Variants in PKN2 observed in about 807,000 individuals in gnomAD.
PKN2 encodes the protein serine/threonine-protein kinase N2.
A neutral mutation model predicts 119.1 loss-of-function variants in PKN2; 38 were observed. The ratio of observed to expected loss-of-function variants is 0.32; its 90% CI spans 0.25 to 0.42. The LOEUF (loss-of-function observed/expected upper bound fraction) is 0.42. Among genes scored for constraint, PKN2 ranks in the 10% least tolerant of loss-of-function variants. The pLI is 1.00. For synonymous variants in PKN2, 390 were observed against 384.9 expected (o/e 1.01, Z -0.15); for missense variants, 850 against 1,165.1 (o/e 0.73, Z 3.94).
At chr1:88,820,939 A>G (rs1372503525) in intron 16 of PKN2, among the ~76,000 whole-genome samples, 1 of 152,216 alleles carries the variant, frequency 6.6e-6, no homozygotes, top group Non-Finnish European at 1.5e-5. Flanking sequence ...ATTTAGGATA[A>G]AAATTGAAAA....
intron 8 of PKN2, among the ~76,000 whole-genome samples, chr1:88,790,033 G>A (rs6679897): frequency 0.067 from 10,162 of 152,212 alleles, 695 homozygotes; most frequent in African/African-American, 0.18. Flanking sequence ...GAAGGACTCT[G>A]AAACAACTCT....
chr1:88,778,916 G>T (rs1044914583), intron 6 of PKN2, among the ~76,000 whole-genome samples: 1 of 151,968 alleles, frequency 6.6e-6, no homozygotes, highest in Non-Finnish European at 1.5e-5. Context: ...GGGTGGGGGC[G>T]GTTTCACCAT....
intron 1 of PKN2, among the ~76,000 whole-genome samples, chr1:88,724,575 CT>C (rs35072207): frequency 1.7e-3 from 237 of 140,888 alleles, no homozygotes; most frequent in African/African-American, 2.2e-3. Context: ...AGGGATTACT[CT>C]TTTTTTTTTT....
chr1:88,711,960 A>G (rs943908424), intron 1 of PKN2, among the ~76,000 whole-genome samples: 5 of 152,126 alleles, frequency 3.3e-5, no homozygotes, highest in African/African-American at 1.2e-4. Flanking sequence ...TGGCAAGAGA[A>G]ATAGAAACAT....
intron 16 of PKN2, among the ~76,000 whole-genome samples, chr1:88,821,678 C>T (rs1672297543): frequency 6.6e-6 from 1 of 152,192 alleles, no homozygotes; most frequent in Non-Finnish European, 1.5e-5. Flanking sequence ...TGTAATTCCT[C>T]CTGCAGAACC....
rs1557634881 is a variant in PKN2 at position 88,820,210 on chromosome 1, ATATATATATATATATATATAT to A, written c.2280-1730_2280-1710del. ...TATATATATATATATATATATATAT[ATATATATATATATATATATAT>A]ATAAATAGAAAAAAATAAAAATGCG... On this transcript the variant is annotated intron_variant, in intron 16 of 21. Transcript: ENST00000370521. Among the ~76,000 whole-genome samples, 895 of 114,452 alleles carry A rather than the reference ATATATATATATATATATATAT, an allele frequency of 7.8e-3. 45 individuals are homozygous for A. The highest frequency in any genetic ancestry group is 0.061 in the Admixed American group (763 of 12,448). The allele number at this position is 114,452 out of a possible 152,430, so 75.1% of individuals were successfully genotyped here.
intron 2 of PKN2, among the ~76,000 whole-genome samples, chr1:88,741,589 A>C (rs932616346): frequency 1.1e-4 from 16 of 152,132 alleles, no homozygotes; most frequent in African/African-American, 3.9e-4. Context: ...AGTCAATCAC[A>C]TGCTTTTACG....
chr1:88,822,378 A>G (rs1471082245), intron 17 of PKN2, among the ~76,000 whole-genome samples: 1 of 152,140 alleles, frequency 6.6e-6, no homozygotes, highest in Admixed American at 6.5e-5. Context: ...AGAGTGTAAA[A>G]CATCACACTG....
chr1:88,823,703 T>TA (rs61234342), intron 17 of PKN2, among the ~76,000 whole-genome samples: 2,256 of 65,778 alleles, frequency 0.034, 43 homozygotes, highest in Non-Finnish European at 0.043. Flanking sequence ...GACTCTGTCT[T>TA]AAAAAAAAAA....
At chr1:88,809,793 C>T (rs980470394) in intron 15 of PKN2, among the ~76,000 whole-genome samples, 1 of 152,084 alleles carries the variant, frequency 6.6e-6, no homozygotes, top group Non-Finnish European at 1.5e-5. Context: ...ATTTCTTTCC[C>T]CCATAGTGTC....
At chr1:88,697,230 G>T (rs1400828216) in intron 1 of PKN2, among the ~76,000 whole-genome samples, 1 of 152,056 alleles carries the variant, frequency 6.6e-6, no homozygotes, top group Non-Finnish European at 1.5e-5. Context: ...TTCAAGACAG[G>T]AACTAGGTCT....
chr1:88,718,321 C>A (rs112013993), intron 1 of PKN2, among the ~76,000 whole-genome samples: 10,175 of 152,204 alleles, frequency 0.067, 694 homozygotes, highest in African/African-American at 0.18. Context: ...TCTCAAACTC[C>A]GTCCTGGGAG....
chr1:88,789,040 T>C (rs1670700131), intron 8 of PKN2, among the ~76,000 whole-genome samples: 1 of 152,150 alleles, frequency 6.6e-6, no homozygotes, highest in African/African-American at 2.4e-5. Context: ...GCCCTGTCCT[T>C]AGAACCAAAG....
At chr1:88,690,945 GC>G (rs1666309112) in intron 1 of PKN2, among the ~76,000 whole-genome samples, 1 of 152,150 alleles carries the variant, frequency 6.6e-6, no homozygotes, top group Non-Finnish European at 1.5e-5. Flanking sequence ...AAGTTTTACT[GC>G]CCTGGCTCAT....
At chr1:88,787,494 T>C (rs141352538) in intron 8 of PKN2, among the ~76,000 whole-genome samples, 5 of 152,322 alleles carry the variant, frequency 3.3e-5, no homozygotes, top group African/African-American at 1.2e-4. Context: ...GTACTAGACC[T>C]TCAGTGTCTT....
intron 16 of PKN2, among the ~76,000 whole-genome samples, chr1:88,819,639 T>A (rs530033740): frequency 6.6e-6 from 1 of 152,204 alleles, no homozygotes; most frequent in South Asian, 2.1e-4. Context: ...AGAAATATTA[T>A]TTGACCCAGC....
intron 1 of PKN2, among the ~76,000 whole-genome samples, chr1:88,695,268 GATTA>G (rs935678392): frequency 3.9e-5 from 6 of 152,100 alleles, no homozygotes; most frequent in Non-Finnish European, 8.8e-5. Context: ...AATCAAATAT[GATTA>G]ATTAAAATTA....
Position 88,813,567 on chromosome 1 carries a change from G to A in PKN2, c.2113G>A (p.Glu705Lys). 6.3e-7 allele frequency: 1 copy of A among 1,586,234 alleles called. No individual in the cohort carries two copies. Among genetic ancestry groups the A allele is most frequent in the Non-Finnish European group, 8.6e-7 (1 of 1,167,454 alleles). ...ARDEVDSLMC[E>K]KRIFETVNSV... is the part of the protein sequence containing the mutation. ...TATTTTCTTTTACAGCCTGATGTGT[G>A]AAAAAAGAATTTTTGAAACTGTGAA... Residue 705 changes from glutamate (E) to lysine (K), a missense_variant, in exon 16 of 22, where the codon GAA (glutamate) becomes AAA (lysine). By Grantham distance (56) the Glu-to-Lys change is moderately conservative. Around this residue, in one of 9 missense-constraint regions of PKN2, gnomAD observed 216 missense variants for 252.8 expected, o/e 0.85. Coordinates refer to ENST00000370521, the MANE Select transcript of PKN2 (RefSeq NM_006256.4).
At chr1:88,815,086 A>G (rs532542268) in intron 16 of PKN2, among the ~76,000 whole-genome samples, 5 of 152,348 alleles carry the variant, frequency 3.3e-5, no homozygotes, top group African/African-American at 1.2e-4. Context: ...CATTCCCTCA[A>G]TATTTAAGGC....
Sources: gnomAD v4.1 joint callset for allele counts (sites outside exome capture counted in the v4.1 genomes callset) on GRCh38, gnomAD v4.1.1 for gene constraint, gnomAD v4.1.1 regional missense constraint, MANE v1.5 for transcripts, NCBI Gene and HGNC (gene_info 2026-07-23, HGNC 2026-07-21) for gene names.